Variants in MTMR7 observed in about 807,000 individuals in gnomAD.
MTMR7 encodes the protein phosphatidylinositol-3-phosphate phosphatase MTMR7.
In MTMR7, 76 loss-of-function variants were observed where a neutral mutation model predicts 81.2. The ratio of observed to expected loss-of-function variants is 0.94; its 90% CI spans 0.78 to 1.13. The LOEUF is 1.13. Among genes scored for constraint, MTMR7 ranks in the 50% most tolerant of loss-of-function variants. MTMR7 has a pLI of 0.00. For synonymous variants in MTMR7, 372 were observed against 289.8 expected (o/e 1.28, Z -2.88); for missense variants, 1,044 against 820.0 (o/e 1.27, Z -3.34).
chr8:17,383,823 T>C (rs1820838763), intron 1 of MTMR7, among the ~76,000 whole-genome samples: 1 of 152,118 alleles, frequency 6.6e-6, no homozygotes, highest in African/African-American at 2.4e-5. Flanking sequence ...AGCTCTGAAG[T>C]GTGCACCAGC....
intron 1 of MTMR7, among the ~76,000 whole-genome samples, chr8:17,391,223 G>C (rs1821098188): frequency 6.6e-6 from 1 of 152,122 alleles, no homozygotes; most frequent in African/African-American, 2.4e-5. Flanking sequence ...GGCCTGCCGG[G>C]ACAACGTTAT....
chr8:17,337,036 A>C (rs1819262367), intron 6 of MTMR7, among the ~76,000 whole-genome samples: 1 of 152,146 alleles, frequency 6.6e-6, no homozygotes, highest in Non-Finnish European at 1.5e-5. Context: ...AAAACAAAAC[A>C]AAACCCTCCT....
At chr8:17,311,452 C>G in intron 9 of MTMR7, 59 bp downstream of exon 9, 5 of 1,606,186 alleles carry the variant, frequency 3.1e-6, no homozygotes, top group Non-Finnish European at 4.2e-6. Flanking sequence ...GTTGTAAAAA[C>G]AGGGGTCCAT....
In MTMR7 at chr8:17,296,800, A is replaced by G. The variant is rs1816678282; in HGVS notation, c.*3062T>C. 6.6e-6 allele frequency: 1 copy of G among 152,186 alleles called. No individual in the cohort carries two copies. The highest frequency in any genetic ancestry group is 6.5e-5 in the Admixed American group (1 of 15,268). The allele number at this position is 152,186 out of a possible 1,614,324, so 9.4% of individuals were successfully genotyped here. ...TTCTACATAATCACATGAGTAGTTC[A>G]TCTCAGTGTTTTTTATTCTTTAAAG... On this transcript the variant is annotated 3_prime_UTR_variant, in exon 14 of 14. Transcript: ENST00000180173.
Position 17,349,028 on chromosome 8 carries a change from G to T in MTMR7, c.522C>A (p.His174Gln). Reference sequence around the variant, plus strand: ...GGAATTTGGAACTCCCCACTATGATGTGTGCCGTGGCCGATTTGGGAACGT... The same window carrying T: ...GGAATTTGGAACTCCCCACTATGATTTGTGCCGTGGCCGATTTGGGAACGT... Reference protein sequence around the residue: ...ELYVPKSATAHIIVGSSKFRS... With the variant: ...ELYVPKSATAQIIVGSSKFRS... Residue 174 changes from histidine to glutamine, a missense_variant, in exon 5 of 14, where the codon CAC (histidine) becomes CAA (glutamine). His to Gln is a conservative substitution (Grantham distance 24, BLOSUM62 0). Transcript: ENST00000180173. 6.2e-7 allele frequency: 1 copy of T among 1,613,024 alleles called. No individual in the cohort carries two copies. The highest frequency in any genetic ancestry group is 8.5e-7 in the Non-Finnish European group (1 of 1,179,848).
intron 1 of MTMR7, among the ~76,000 whole-genome samples, chr8:17,412,444 A>T (rs1821760737): frequency 6.6e-6 from 1 of 151,808 alleles, no homozygotes; most frequent in African/African-American, 2.4e-5. Context: ...ATATTCTTTC[A>T]CTCGTTTAGG....
chr8:17,324,378 C>T (rs60810870), intron 7 of MTMR7, among the ~76,000 whole-genome samples: 63,172 of 152,084 alleles, frequency 0.42, 15,042 homozygotes, highest in East Asian at 0.78. Context: ...CACTCTCCAT[C>T]TTCAGATTGG....
chr8:17,337,225 C>T (rs535317869), intron 6 of MTMR7, among the ~76,000 whole-genome samples: 36 of 151,954 alleles, frequency 2.4e-4, no homozygotes, highest in Non-Finnish European at 2.1e-4. Context: ...ATTAGCCGGG[C>T]GTGGTGGCGG....
chr8:17,325,936 C>G (rs771740522), intron 7 of MTMR7, among the ~76,000 whole-genome samples: 8 of 152,174 alleles, frequency 5.3e-5, no homozygotes, highest in Non-Finnish European at 1.2e-4. Context: ...TATTGCTTCC[C>G]AAGAGAAAGC....
At chr8:17,406,287 C>T (rs1821580303) in intron 1 of MTMR7, among the ~76,000 whole-genome samples, 1 of 152,044 alleles carries the variant, frequency 6.6e-6, no homozygotes, top group African/African-American at 2.4e-5. Flanking sequence ...CATAATTTTG[C>T]AACCCAATAA....
rs571160697 is a variant in MTMR7, at chr8:17,298,736, T to TTTAA, written c.*1122_*1125dup. ...AACATGGCCACTTTTCCCCACTAAG[T>TTTAA]TTAATTTAGGTCACCTAGTGAAGTC... On this transcript the variant is annotated 3_prime_UTR_variant, in exon 14 of 14. Transcript: ENST00000180173. 29 of 152,672 alleles carry TTTAA rather than the reference T, an allele frequency of 1.9e-4. No homozygotes were observed. In the East Asian group the frequency reaches 5.4e-3, roughly 28 times the overall value. The allele number at this position is 152,672 out of a possible 1,614,324, so 9.5% of individuals were successfully genotyped here.
At chr8:17,353,123 G>A (rs1819776186) in intron 4 of MTMR7, among the ~76,000 whole-genome samples, 1 of 152,148 alleles carries the variant, frequency 6.6e-6, no homozygotes, top group Admixed American at 6.5e-5. Context: ...TAAAAAGGAA[G>A]GAAATCCTGT....
intron 1 of MTMR7, among the ~76,000 whole-genome samples, chr8:17,387,782 AAAAT>A (rs145376752): frequency 0.058 from 8,872 of 152,206 alleles, 348 homozygotes; most frequent in African/African-American, 0.093. Context: ...TAAAAGGAGA[AAAAT>A]AAATCACCCA....
chr8:17,412,541 T>C (rs975413546), intron 1 of MTMR7, among the ~76,000 whole-genome samples: 2 of 152,236 alleles, frequency 1.3e-5, no homozygotes, highest in Non-Finnish European at 2.9e-5. Context: ...GGTACAGCGA[T>C]CAACGTTTCC....
intron 1 of MTMR7, 61 bp downstream of exon 1, chr8:17,413,208 T>TCCC: frequency 6.6e-7 from 1 of 1,511,892 alleles, no homozygotes; most frequent in African/African-American, 1.4e-5. Flanking sequence ...GCGCTCAGCA[T>TCCC]CCCTCCTCCT....
chr8:17,343,216 C>T (rs190301726), intron 5 of MTMR7, among the ~76,000 whole-genome samples: 1 of 152,216 alleles, frequency 6.6e-6, no homozygotes, highest in Non-Finnish European at 1.5e-5. Flanking sequence ...AACTTGAGGT[C>T]AGGAGTTCGA....
chr8:17,373,295 G>A (rs772403480), intron 1 of MTMR7, 55 bp from the exon 2 acceptor site: 23 of 1,555,458 alleles, frequency 1.5e-5, no homozygotes, highest in South Asian at 7.2e-5. Flanking sequence ...AGCAATTCAC[G>A]AAATAAATGA....
intron 6 of MTMR7, among the ~76,000 whole-genome samples, chr8:17,336,520 G>C (rs1288104074): frequency 6.6e-6 from 1 of 151,968 alleles, no homozygotes; most frequent in Non-Finnish European, 1.5e-5. Flanking sequence ...ACTTTCCTAG[G>C]TGACCCCTCC....
In MTMR7 at chr8:17,371,108, A is replaced by G. The variant is rs1455467131; in HGVS notation, c.239T>C (p.Ile80Thr). 3.7e-6 allele frequency: 6 copies of G among 1,614,202 alleles called. No individual in the cohort carries two copies. The East Asian group carries it at 1.1e-4, about 30-fold the overall frequency. The stretch of plus-strand genomic sequence containing the variant: ...TCTTTCCTGAGGTATGATGAGCTGT[A>G]TTATCTGAAAGTTCTTGCAGCGAAT... ...LLIRCKNFQI[I>T]QLIIPQERDC... Residue 80 changes from isoleucine (I) to threonine (T), a missense_variant, in exon 3 of 14, where the codon ATA becomes ACA. By Grantham distance (89) the Ile-to-Thr change is moderately conservative. Coordinates refer to ENST00000180173, the MANE Select transcript of MTMR7 (RefSeq NM_004686.5).
Sources: allele counts gnomAD v4.1 joint callset (sites outside exome capture counted in the v4.1 genomes callset), GRCh38; gene constraint gnomAD v4.1.1; transcripts MANE v1.5; gene names NCBI Gene and HGNC (gene_info 2026-07-23, HGNC 2026-07-21).